NR5A2: variants seen among roughly 807,000 people sequenced by gnomAD.
The protein encoded by NR5A2 is nuclear receptor subfamily 5 group A member 2.
A neutral mutation model predicts 62.7 loss-of-function variants in NR5A2; 26 were observed. That is an observed-to-expected ratio of 0.41 (90% CI 0.30 to 0.58). The LOEUF (loss-of-function observed/expected upper bound fraction) is 0.58. Ranked by LOEUF, NR5A2 falls within the 20% of genes least tolerant of loss-of-function variation. NR5A2 has a pLI of 0.22. For missense variants in NR5A2, 541 were observed against 669.1 expected, an observed-to-expected ratio of 0.81 and a Z score of 2.11; for synonymous variants, 246 against 241.7, an observed-to-expected ratio of 1.02 and a Z score of -0.16.
At chr1:200,148,906 C>CT (rs573219003) in intron 7 of NR5A2, among the ~76,000 whole-genome samples, 43,783 of 125,102 alleles carry the variant, frequency 0.35, 9,049 homozygotes, top group Non-Finnish European at 0.48. Flanking sequence ...GCATGCGGTA[C>CT]TTTTTTTTTT....
intron 5 of NR5A2, among the ~76,000 whole-genome samples, chr1:200,055,049 A>T (rs1662846870): frequency 6.6e-6 from 1 of 151,778 alleles, no homozygotes; most frequent in African/African-American, 2.4e-5. Flanking sequence ...GGCGCATGCA[A>T]CCACGCTAGC....
At chr1:200,052,545 A>G (rs1408699294) in intron 5 of NR5A2, among the ~76,000 whole-genome samples, 1 of 152,096 alleles carries the variant, frequency 6.6e-6, no homozygotes, top group Non-Finnish European at 1.5e-5. Context: ...CTATCAAGTG[A>G]TATACTTATT....
chr1:200,172,777 A>G (rs1276985809), intron 7 of NR5A2, among the ~76,000 whole-genome samples: 1 of 152,258 alleles, frequency 6.6e-6, no homozygotes, highest in Non-Finnish European at 1.5e-5. Flanking sequence ...AACAGTATAT[A>G]GTGGGTATGA....
chr1:200,163,691 G>C (rs1045747521), intron 7 of NR5A2, among the ~76,000 whole-genome samples: 12 of 152,142 alleles, frequency 7.9e-5, no homozygotes, highest in African/African-American at 2.7e-4. Flanking sequence ...TGTTGGCCAG[G>C]CTGGTCTTGA....
At chr1:200,102,734 T>A (rs146988069) in intron 5 of NR5A2, among the ~76,000 whole-genome samples, 1 of 152,340 alleles carries the variant, frequency 6.6e-6, no homozygotes, top group East Asian at 1.9e-4. Context: ...TTTCAGTCTA[T>A]ATGCACTCAA....
intron 5 of NR5A2, among the ~76,000 whole-genome samples, chr1:200,055,163 G>A (rs1662855410): frequency 6.6e-6 from 1 of 150,412 alleles, no homozygotes; most frequent in African/African-American, 2.5e-5. Context: ...CCAAAGTGCT[G>A]GAATTAAGGC....
rs912195084 is a variant in NR5A2 at position 200,039,311 on chromosome 1, A to C, written c.65-347A>C. Among the ~76,000 whole-genome samples, 1 of 152,058 alleles carries C rather than the reference A, an allele frequency of 6.6e-6. No individual in the cohort carries two copies. Among genetic ancestry groups the C allele is most frequent in the Non-Finnish European group, 1.5e-5 (1 of 67,992 alleles). Reference sequence around the variant, plus strand: ...GTGGCAGCGGCACAGCCGGGGCGGCAATAGCAGCCCCGCGGTCGCCTCCGC... The same window carrying C: ...GTGGCAGCGGCACAGCCGGGGCGGCCATAGCAGCCCCGCGGTCGCCTCCGC... On this transcript the variant is annotated intron_variant, in intron 1 of 7. Transcript: ENST00000367362. This position sits in a 1 kb window ranked among gnomAD's most constrained non-coding sequence, Gnocchi z 5.1.
rs570847084 is a variant in NR5A2, at chr1:200,056,645, C to T, written c.1110+7827C>T. Reference sequence around the variant, plus strand: ...AGCTCCCTGAAACTTATGGTTTCAGCGTAGTTGAGCACTAATAGTTTCCAT... The same window carrying T: ...AGCTCCCTGAAACTTATGGTTTCAGTGTAGTTGAGCACTAATAGTTTCCAT... On this transcript the variant is annotated intron_variant, in intron 5 of 7. Coordinates refer to ENST00000367362, the MANE Select transcript of NR5A2 (RefSeq NM_205860.3). 2.0e-5 allele frequency among the ~76,000 whole-genome samples: 3 copies of T among 152,236 alleles called. No homozygotes were observed. In the East Asian group the frequency reaches 5.8e-4, roughly 29 times the overall value.
At chr1:200,087,773 A>G (rs1277733349) in intron 5 of NR5A2, among the ~76,000 whole-genome samples, 1 of 150,348 alleles carries the variant, frequency 6.7e-6, no homozygotes, top group Non-Finnish European at 1.5e-5. Context: ...ATTTTTTGAG[A>G]TAGAGTCTTG....
intron 7 of NR5A2, among the ~76,000 whole-genome samples, chr1:200,133,505 CTATATA>C (rs138519275): frequency 1.5e-5 from 2 of 134,382 alleles, no homozygotes; most frequent in African/African-American, 5.6e-5. Flanking sequence ...CACTGATGGA[CTATATA>C]TATATATATA....
chr1:200,048,022 T>A lies in NR5A2; in HGVS notation c.464-150T>A. ...AATTCATAAATAAAGAGGACATGGT[T>A]TTTTGGGAAATCTTTGTGGGCTATT... On this transcript the variant is annotated intron_variant, in intron 4 of 7. Transcript: ENST00000367362. This position sits in a 1 kb window ranked among gnomAD's most constrained non-coding sequence, Gnocchi z 4.8. The A allele has an allele frequency of 1.4e-6, 1 of 691,900 alleles. No individual in the cohort carries two copies. 42.9% of individuals were successfully genotyped at this position (691,900 alleles called of 1,614,324 possible). A position where few individuals can be genotyped will look rare whatever the true frequency, so the allele number is the denominator to read the frequency against.
chr1:200,153,653 AT>A (rs774453981), intron 7 of NR5A2, among the ~76,000 whole-genome samples: 5 of 152,084 alleles, frequency 3.3e-5, no homozygotes, highest in African/African-American at 1.2e-4. Context: ...TGTTTAATAC[AT>A]TTTTTAAAAC....
chr1:200,117,318 C>T (rs749368191), intron 6 of NR5A2, among the ~76,000 whole-genome samples: 1 of 152,160 alleles, frequency 6.6e-6, no homozygotes. Flanking sequence ...GAATAAATCA[C>T]CTATCCTTCT....
In NR5A2 at chr1:200,039,581, G is replaced by C. The variant is rs1661957155; in HGVS notation, c.65-77G>C. 12 of 1,592,310 alleles carry C rather than the reference G, an allele frequency of 7.5e-6. No individual in the cohort carries two copies. In the South Asian group the frequency reaches 1.3e-4, roughly 18 times the overall value. ...GCGGAGGCACGCTCCGGCGAGGCGA[G>C]AGGGTTGGGTTAGCAGGCATCCCGG... On this transcript the variant is annotated intron_variant, in intron 1 of 7. Transcript: ENST00000367362. The surrounding 1 kb of genome is among the most constrained non-coding windows in gnomAD (Gnocchi z 5.1).
At chr1:200,148,071 G>A (rs2102358262) in intron 7 of NR5A2, 4 of 286,818 alleles carry the variant, frequency 1.4e-5, no homozygotes, top group African/African-American at 2.3e-5. Flanking sequence ...GTCGGGGCCC[G>A]CCTCGAAGGT....
At chr1:200,074,104 A>G (rs545062778) in intron 5 of NR5A2, among the ~76,000 whole-genome samples, 5 of 152,348 alleles carry the variant, frequency 3.3e-5, no homozygotes, top group Admixed American at 2.0e-4. Context: ...AATCAATGAC[A>G]TAATAAAAGT....
At chr1:200,051,713 G>A (rs1465201591) in intron 5 of NR5A2, among the ~76,000 whole-genome samples, 1 of 152,140 alleles carries the variant, frequency 6.6e-6, no homozygotes, top group Non-Finnish European at 1.5e-5. Context: ...GATAGTTTCA[G>A]TAGAGAGTTG....
chr1:200,086,359 A>G (rs755988326), intron 5 of NR5A2, among the ~76,000 whole-genome samples: 14 of 152,124 alleles, frequency 9.2e-5, no homozygotes, highest in Admixed American at 6.5e-4. Context: ...GCTGGAGTGC[A>G]GTGGCACAAT....
chr1:200,148,148 GTCCAA>G, intron 7 of NR5A2: 1 of 374,034 alleles, frequency 2.7e-6, no homozygotes. Flanking sequence ...TGGAGGAGGT[GTCCAA>G]GAGGAAGACC....
Sources: gnomAD v4.1 joint callset for allele counts (sites outside exome capture counted in the v4.1 genomes callset) on GRCh38, gnomAD v4.1.1 for gene constraint, Gnocchi (gnomAD v3.1) non-coding constraint, MANE v1.5 for transcripts, NCBI Gene and HGNC (gene_info 2026-07-23, HGNC 2026-07-21) for gene names.